The following TRPV5 variants were observed in gnomAD, a reference collection of about 807,000 sequenced individuals.
The protein encoded by TRPV5 is transient receptor potential cation channel subfamily V member 5.
Under a neutral mutation model 74.1 loss-of-function variants are expected in TRPV5, and 66 were observed. The observed-to-expected ratio is 0.89, with a 90% confidence interval of 0.73 to 1.09. The LOEUF is 1.09. TRPV5 is among the 50% of genes least tolerant of loss of function. TRPV5 has a pLI of 0.00. For missense variants in TRPV5, 936 were observed against 930.4 expected (o/e 1.01, Z -0.08); for synonymous variants, 399 against 360.7 (o/e 1.11, Z -1.20).
chr7:142,930,095 C>G lies in TRPV5; in HGVS notation c.312G>C (p.Glu104Asp). 1.2e-6 allele frequency: 2 copies of G among 1,614,210 alleles called. No homozygotes were observed. The highest frequency in any genetic ancestry group is 1.7e-6 in the Non-Finnish European group (2 of 1,180,032). Residue 104 changes from glutamate to aspartate, a missense_variant, in exon 3 of 15, where the codon GAG becomes GAC. Glu to Asp is a conservative substitution (Grantham distance 45, BLOSUM62 2). Transcript: ENST00000265310. ...CACATGTGGTGGGCTCAAAGACCAG[C>G]TCTGGGGCAGCCTCCATCAGCACCA... ...AALVLMEAAP[E>D]LVFEPTTCEA...
In TRPV5 at chr7:142,930,290, T is replaced by C. The variant is rs1316131281; in HGVS notation, c.226+59A>G. ...GCCCTATTTCACAAACTCGAAGTCT[T>C]GGGGAGGAGGAGTAGGTTCTTCTGC... is the stretch of plus-strand genomic sequence containing the variant. On this transcript the variant is annotated intron_variant, in intron 2 of 14. Coordinates refer to ENST00000265310, the MANE Select transcript of TRPV5 (RefSeq NM_019841.7). 3.7e-6 allele frequency: 6 copies of C among 1,610,456 alleles called. No homozygotes were observed. The African/African-American group carries it at 5.3e-5, about 14-fold the overall frequency.
At chr7:142,909,447 C>A in intron 14 of TRPV5, 43 bp downstream of exon 14, 24 of 1,606,132 alleles carry the variant, frequency 1.5e-5, no homozygotes, top group Non-Finnish European at 2.0e-5. Flanking sequence ...CTTCCGTGGC[C>A]TTATACACAT....
chr7:142,929,831 TAGGTCCTAC>T (rs1796054117), intron 3 of TRPV5, among the ~76,000 whole-genome samples: 1 of 152,096 alleles, frequency 6.6e-6, no homozygotes, highest in Non-Finnish European at 1.5e-5. Flanking sequence ...GAAATTGAGA[TAGGTCCTAC>T]AGGGACTATG....
chr7:142,927,091 G>T lies in TRPV5; in HGVS notation c.909+997C>A, dbSNP rs189368920. Among the ~76,000 whole-genome samples the T allele has an allele frequency of 3.9e-3, 598 of 152,060 alleles. 2 individuals carry two copies. The highest frequency in any genetic ancestry group is 0.027 in the Middle Eastern group (8 of 294). On this transcript the variant is annotated intron_variant, in intron 7 of 14. Transcript: ENST00000265310. ...CCCAGCATTGTTGAATGGTCTATAC[G>T]TTGCTCCCTCTCTAAAAAGCTCTTT...
In TRPV5 at chr7:142,925,868, A is replaced by G. The variant is rs1586225251; in HGVS notation, c.910-127T>C. 4 of 793,720 alleles carry G rather than the reference A, an allele frequency of 5.0e-6. No individual in the cohort carries two copies. In the East Asian group the frequency reaches 8.0e-5, roughly 16 times the overall value. The allele number at this position is 793,720 out of a possible 1,614,324, so 49.2% of individuals were successfully genotyped here. A position where few individuals can be genotyped will look rare whatever the true frequency, so the allele number is the denominator to read the frequency against. On this transcript the variant is annotated intron_variant, in intron 7 of 14. Coordinates refer to ENST00000265310, the MANE Select transcript of TRPV5 (RefSeq NM_019841.7). The stretch of plus-strand genomic sequence containing the variant: ...AGCTCATCAGTCACTTATTTGACGG[A>G]CAAATAGTATATTTCCTGCATATGG...
intron 7 of TRPV5, among the ~76,000 whole-genome samples, chr7:142,926,674 G>A (rs562683505): frequency 5.6e-3 from 859 of 152,184 alleles, no homozygotes; most frequent in Non-Finnish European, 8.2e-3. Flanking sequence ...ATTTATGGAG[G>A]AAAAAAGCAA....
At chr7:142,931,409 A>G (rs975590148) in intron 1 of TRPV5, among the ~76,000 whole-genome samples, 2 of 152,140 alleles carry the variant, frequency 1.3e-5, no homozygotes, top group Non-Finnish European at 2.9e-5. Context: ...CCTTAGATGC[A>G]AAGGTCTAAA....
chr7:142,916,892 CTT>C (rs1480768096), intron 8 of TRPV5, among the ~76,000 whole-genome samples: 1 of 140,260 alleles, frequency 7.1e-6, no homozygotes, highest in African/African-American at 2.6e-5. Flanking sequence ...TCAGTCAACA[CTT>C]TTTTTTTTCT....
At chr7:142,930,855 C>T (rs1274289259) in intron 1 of TRPV5, among the ~76,000 whole-genome samples, 1 of 152,094 alleles carries the variant, frequency 6.6e-6, no homozygotes, top group Non-Finnish European at 1.5e-5. Flanking sequence ...TCTGCGGTCC[C>T]CCTGCTCCTG....
chr7:142,931,032 T>C lies in TRPV5; in HGVS notation c.129-586A>G, dbSNP rs962649691. 4.1e-5 allele frequency among the ~76,000 whole-genome samples: 6 copies of C among 147,088 alleles called. No homozygotes were observed. The East Asian group carries it at 1.2e-3, about 30-fold the overall frequency. On this transcript the variant is annotated intron_variant, in intron 1 of 14. Transcript: ENST00000265310. ...CCCTCAGGCTATTTTTTTTTTTTTT[T>C]TTTTTTTTGAGACAGAGTCTTGCTC...
At chr7:142,931,772 G>A (rs948172185) in intron 1 of TRPV5, among the ~76,000 whole-genome samples, 2 of 152,142 alleles carry the variant, frequency 1.3e-5, no homozygotes, top group Admixed American at 6.5e-5. Context: ...TGCGATCTCG[G>A]CTCACTGCAA....
chr7:142,923,544 C>G (rs1046762568), intron 8 of TRPV5, among the ~76,000 whole-genome samples: 3 of 152,108 alleles, frequency 2.0e-5, no homozygotes, highest in African/African-American at 7.2e-5. Context: ...TCCTCTTACC[C>G]ACCCACTTCT....
At chr7:142,920,374 A>G (rs1294790935) in intron 8 of TRPV5, among the ~76,000 whole-genome samples, 6 of 151,652 alleles carry the variant, frequency 4.0e-5, no homozygotes, top group Admixed American at 3.9e-4. Flanking sequence ...AGTGCCAATT[A>G]TCAAAACTGG....
At chr7:142,927,981 A>G (rs1040498380) in intron 7 of TRPV5, 107 bp downstream of exon 7, 7 of 1,398,426 alleles carry the variant, frequency 5.0e-6, no homozygotes, top group Non-Finnish European at 5.0e-6. Context: ...TCCACCTATT[A>G]TAAGGCTGGG....
Position 142,930,135 on chromosome 7 carries a change from T to G in TRPV5, c.272A>C (p.Asn91Thr). 1 of 1,614,214 alleles carries G rather than the reference T, an allele frequency of 6.2e-7. No homozygotes were observed. The highest frequency in any genetic ancestry group is 8.5e-7 in the Non-Finnish European group (1 of 1,180,030). The change falls in exon 3 of 15, where the codon AAC (asparagine) becomes ACC (threonine). Residue 91 changes from asparagine to threonine, a missense_variant. Physicochemically the swap from Asn to Thr is moderately conservative, Grantham distance 65. Transcript: ENST00000265310. ...CATCAGCACCAAGGCCGCCTCCAAG[T>G]TGTCATAGAGGGCTGCTATGTGCAG... Reference protein sequence around the residue: ...TALHIAALYDNLEAALVLMEA... With the variant: ...TALHIAALYDTLEAALVLMEA...
intron 8 of TRPV5, among the ~76,000 whole-genome samples, chr7:142,921,406 C>G (rs767858162): frequency 6.6e-6 from 1 of 152,118 alleles, no homozygotes; most frequent in Non-Finnish European, 1.5e-5. Context: ...CTCAGCCTCC[C>G]GAATAGCTGG....
At position 142,912,473 on chromosome 7, in the gene TRPV5, T is replaced by C. The variant is rs377154485; in HGVS notation, c.1788+9A>G. 8.1e-6 allele frequency: 13 copies of C among 1,608,314 alleles called. No individual in the cohort carries two copies. In the African/African-American group the frequency reaches 1.7e-4, roughly 22 times the overall value. On this transcript the variant is annotated intron_variant, in intron 13 of 14. Coordinates refer to ENST00000265310, the MANE Select transcript of TRPV5 (RefSeq NM_019841.7). Reference sequence around the variant, plus strand: ...TGCTTCTTAGCAAGACTAACACAAATAAACTCACCTGGGCCCTCCAGAGCT... The same window carrying C: ...TGCTTCTTAGCAAGACTAACACAAACAAACTCACCTGGGCCCTCCAGAGCT...
rs1435185110 is a variant in TRPV5 at position 142,925,570 on chromosome 7, G to A, written c.1081C>T (p.His361Tyr). The A allele has an allele frequency of 6.2e-7, 1 of 1,614,198 alleles. No homozygotes were observed. The highest frequency in any genetic ancestry group is 1.1e-5 in the South Asian group (1 of 91,082). The change falls in exon 8 of 15, where the codon CAT becomes TAT. Residue 361 changes from histidine (H) to tyrosine (Y), a missense_variant. Transcript: ENST00000265310. The part of the protein sequence containing the change: ...PLKFRGGNRT[H>Y]SRDITILQQK... Reference sequence around the variant, plus strand: ...TGGAGGATGGTGATGTCTCGAGAATGAGTGCGGTTGCCACCACGAAACTTA... The same window carrying A: ...TGGAGGATGGTGATGTCTCGAGAATAAGTGCGGTTGCCACCACGAAACTTA...
chr7:142,908,475 G>A lies in TRPV5; in HGVS notation c.*39C>T, dbSNP rs777020755. 10 of 1,603,674 alleles carry A rather than the reference G, an allele frequency of 6.2e-6. No individual in the cohort carries two copies. The South Asian group carries it at 7.7e-5, about 12-fold the overall frequency. ...TCTCCGTCTCTGTCCCCGCCCCCAG[G>A]CCAACCGGGAGTAAGGTCAAGAGTG... is the stretch of plus-strand genomic sequence containing the variant. On this transcript the variant is annotated 3_prime_UTR_variant, in exon 15 of 15. Transcript: ENST00000265310.
Sources: allele counts gnomAD v4.1 joint callset (sites outside exome capture counted in the v4.1 genomes callset), GRCh38; gene constraint gnomAD v4.1.1; transcripts MANE v1.5; gene names NCBI Gene and HGNC (gene_info 2026-07-23, HGNC 2026-07-21).